TCF7L2: variants seen among roughly 807,000 people sequenced by gnomAD.
TCF7L2 encodes transcription factor 7 like 2.
Under a neutral mutation model 77.9 loss-of-function variants are expected in TCF7L2, and 23 were observed. The ratio of observed to expected loss-of-function variants is 0.30; its 90% confidence interval spans 0.21 to 0.42. The LOEUF (loss-of-function observed/expected upper bound fraction) is 0.42, where lower values mean the gene tolerates loss of function less well. TCF7L2 is among the 10% of genes least tolerant of loss of function. TCF7L2 has a pLI of 1.00. For synonymous variants in TCF7L2, 413 were observed against 340.2 expected (o/e 1.21, Z -2.36); for missense variants, 654 against 793.1 (o/e 0.82, Z 2.11).
chr10:113,107,766 A>AAAAAAAAG (rs2062570570), intron 5 of TCF7L2, among the ~76,000 whole-genome samples: 1 of 150,880 alleles, frequency 6.6e-6, no homozygotes, highest in Admixed American at 6.6e-5. Context: ...AAAAAAAAAA[A>AAAAAAAAG]AAAAAAAAAA....
intron 4 of TCF7L2, among the ~76,000 whole-genome samples, chr10:113,030,394 C>T (rs985709127): frequency 2.0e-5 from 3 of 152,238 alleles, no homozygotes; most frequent in African/African-American, 4.8e-5. Context: ...CTGGGCTGCT[C>T]CTTGTCTTCC....
chr10:113,013,180 G>A lies in TCF7L2; in HGVS notation c.451-26845G>A, dbSNP rs192302047. Among the ~76,000 whole-genome samples the A allele has an allele frequency of 4.0e-4, 59 of 148,044 alleles. No homozygotes were observed. In the East Asian group the frequency reaches 9.8e-3, roughly 25 times the overall value. ...GTCACCCAGGCTGGAGTGCAGTGGC[G>A]TGATCTCAGCTCACTGCAACCTCCG... On this transcript the variant is annotated intron_variant, in intron 4 of 13. Transcript: ENST00000627217.
intron 5 of TCF7L2, among the ~76,000 whole-genome samples, chr10:113,135,353 T>G (rs2067244762): frequency 6.6e-6 from 1 of 152,158 alleles, no homozygotes; most frequent in African/African-American, 2.4e-5. Flanking sequence ...AAGGGCTTTG[T>G]GTGCCTTGAG....
intron 5 of TCF7L2, among the ~76,000 whole-genome samples, chr10:113,050,982 A>C (rs1199788888): frequency 6.6e-6 from 1 of 152,076 alleles, no homozygotes; most frequent in African/African-American, 2.4e-5. Flanking sequence ...TCTGAAGCTG[A>C]CATCTGTCTC....
chr10:113,103,020 T>G (rs1403753821), intron 5 of TCF7L2, among the ~76,000 whole-genome samples: 1 of 152,262 alleles, frequency 6.6e-6, no homozygotes, highest in African/African-American at 2.4e-5. Context: ...ATTAACTCAT[T>G]TAATCTGCTC....
chr10:113,090,190 A>G (rs2060231280), intron 5 of TCF7L2, among the ~76,000 whole-genome samples: 1 of 152,200 alleles, frequency 6.6e-6, no homozygotes, highest in South Asian at 2.1e-4. Flanking sequence ...AAAAAATAAC[A>G]CCTAGAACAT....
chr10:113,090,410 A>G (rs983163841), intron 5 of TCF7L2, among the ~76,000 whole-genome samples: 4 of 152,252 alleles, frequency 2.6e-5, no homozygotes, highest in Non-Finnish European at 5.9e-5. Context: ...ACAGGGACAG[A>G]AAGCAGTGCC....
chr10:113,048,330 G>A (rs1006817025), intron 5 of TCF7L2, among the ~76,000 whole-genome samples: 1 of 152,082 alleles, frequency 6.6e-6, no homozygotes, highest in African/African-American at 2.4e-5. Flanking sequence ...TAACTCTATG[G>A]ATGGGGCATG....
intron 4 of TCF7L2, among the ~76,000 whole-genome samples, chr10:112,967,666 C>T (rs1201745196): frequency 6.7e-6 from 1 of 148,298 alleles, no homozygotes; most frequent in Non-Finnish European, 1.5e-5. Flanking sequence ...CGGAGTTTCG[C>T]TCTTTGTTGC....
chr10:113,161,742 C>T (rs544942104), intron 13 of TCF7L2: 11 of 906,300 alleles, frequency 1.2e-5, no homozygotes, highest in South Asian at 9.4e-5. Context: ...TGCATGCCCA[C>T]GAGTCTCCTG....
chr10:113,026,318 A>T (rs927829480), intron 4 of TCF7L2, among the ~76,000 whole-genome samples: 4 of 147,068 alleles, frequency 2.7e-5, no homozygotes, highest in Non-Finnish European at 6.0e-5. Flanking sequence ...TGCCTGGCTA[A>T]TTTTTTTTTT....
intron 5 of TCF7L2, among the ~76,000 whole-genome samples, chr10:113,125,254 A>T (rs1362736347): frequency 6.6e-6 from 1 of 152,044 alleles, no homozygotes; most frequent in East Asian, 1.9e-4. Flanking sequence ...AAAAAAAAAA[A>T]AGTCGTCTTT....
At chr10:112,991,509 AAAAAAAAAAGAAAG>A (rs1046524996) in intron 4 of TCF7L2, among the ~76,000 whole-genome samples, 10 of 140,490 alleles carry the variant, frequency 7.1e-5, no homozygotes, top group Non-Finnish European at 1.2e-4. Flanking sequence ...CTCCATCTCA[AAAAAAAAAAGAAAG>A]AAAAAAAAAG....
intron 8 of TCF7L2, among the ~76,000 whole-genome samples, chr10:113,149,425 C>T (rs973478235): frequency 3.3e-5 from 5 of 152,176 alleles, no homozygotes; most frequent in Admixed American, 6.5e-5. Context: ...CAGGAAAGGC[C>T]ACGTCAGCGT....
chr10:113,043,149 G>A (rs981623355), intron 5 of TCF7L2, among the ~76,000 whole-genome samples: 42 of 152,202 alleles, frequency 2.8e-4, no homozygotes, highest in Admixed American at 3.9e-4. Flanking sequence ...GAAGAATAGG[G>A]ATGTATTCAG....
intron 4 of TCF7L2, among the ~76,000 whole-genome samples, chr10:113,020,447 G>A (rs1044828794): frequency 6.6e-6 from 1 of 152,072 alleles, no homozygotes; most frequent in Admixed American, 6.6e-5. Context: ...CTCGGCTCCT[G>A]TTCACACCCT....
chr10:112,966,167 CTCTG>C (rs1385302040), intron 4 of TCF7L2, among the ~76,000 whole-genome samples: 3 of 132,310 alleles, frequency 2.3e-5, no homozygotes, highest in Admixed American at 7.9e-5. Context: ...AAGAGTGAGA[CTCTG>C]TCTAAAATAT....
chr10:113,152,258 G>A, intron 10 of TCF7L2, 75 bp from the exon 11 acceptor site: 2 of 1,293,758 alleles, frequency 1.5e-6, no homozygotes, highest in South Asian at 1.2e-5. Flanking sequence ...CCTGACCTTG[G>A]CGTAATGTGT....
At chr10:113,009,968 G>T (rs1310003519) in intron 4 of TCF7L2, among the ~76,000 whole-genome samples, 3 of 151,904 alleles carry the variant, frequency 2.0e-5, no homozygotes, top group African/African-American at 7.3e-5. Flanking sequence ...TTAAGTCTTT[G>T]GTTGGGCTTC....
Sources: gnomAD v4.1 joint callset for allele counts (sites outside exome capture counted in the v4.1 genomes callset) on GRCh38, gnomAD v4.1.1 for gene constraint, MANE v1.5 for transcripts, NCBI Gene and HGNC (gene_info 2026-07-23, HGNC 2026-07-21) for gene names.